Variants in ZNF578 observed in about 807,000 individuals in gnomAD.
The protein encoded by ZNF578 is zinc finger protein 578, also known as Putative chemokine-related protein B42.
In ZNF578, 8 loss-of-function variants were observed where a neutral mutation model predicts 8.3. The observed-to-expected ratio is 0.96, with a 90% CI of 0.56 to 1.74. ZNF578 has a LOEUF of 1.74. Among genes scored for constraint, ZNF578 ranks in the 40% most tolerant of loss-of-function variants. The pLI, the probability that ZNF578 is intolerant of heterozygous loss-of-function variation, is 0.00. For missense variants in ZNF578, 726 were observed against 707.5 expected, an observed-to-expected ratio of 1.03 and a Z score of -0.30; for synonymous variants, 206 against 232.2, an observed-to-expected ratio of 0.89 and a Z score of 1.03.
chr19:52,467,013 A>AT (rs982155819), intron 2 of ZNF578, among the ~76,000 whole-genome samples: 4,304 of 143,366 alleles, frequency 0.03, 137 homozygotes, highest in African/African-American at 0.086. Flanking sequence ...CTCTTGATTA[A>AT]TTTTTTTTTT....
intron 2 of ZNF578, among the ~76,000 whole-genome samples, chr19:52,459,725 G>A (rs200833625): frequency 0.37 from 3,136 of 8,432 alleles, 488 homozygotes; most frequent in Non-Finnish European, 0.53. Context: ...GTGTGTGTGT[G>A]TGTGTGTGTG....
At chr19:52,492,191 G>T (rs866208977) in intron 3 of ZNF578, among the ~76,000 whole-genome samples, 6 of 129,238 alleles carry the variant, frequency 4.6e-5, no homozygotes, top group African/African-American at 1.4e-4. Context: ...AAAAAAAAAA[G>T]GGAGGGAGAG....
At chr19:52,494,714 C>T (rs2059379529) in intron 3 of ZNF578, among the ~76,000 whole-genome samples, 2 of 152,114 alleles carry the variant, frequency 1.3e-5, no homozygotes, top group South Asian at 4.1e-4. Context: ...CCTATTCAGC[C>T]CGCGGGCAGT....
chr19:52,472,477 C>CA (rs1425741304), intron 2 of ZNF578, among the ~76,000 whole-genome samples: 1 of 152,136 alleles, frequency 6.6e-6, no homozygotes. Context: ...TCTTCCATTT[C>CA]AAAAATAAGA....
At chr19:52,481,116 G>T (rs1050873112) in intron 2 of ZNF578, among the ~76,000 whole-genome samples, 8 of 151,984 alleles carry the variant, frequency 5.3e-5, no homozygotes, top group Non-Finnish European at 1.2e-4. Flanking sequence ...CTCAGCCCAG[G>T]GCAGGTGGGT....
At chr19:52,489,107 A>G (rs1424940066) in intron 2 of ZNF578, among the ~76,000 whole-genome samples, 2 of 151,968 alleles carry the variant, frequency 1.3e-5, no homozygotes, top group African/African-American at 4.8e-5. Context: ...TGCCCCCCCT[A>G]AAAAAAGAAA....
At chr19:52,497,803 C>T (rs1809242) in intron 3 of ZNF578, among the ~76,000 whole-genome samples, 1 of 152,052 alleles carries the variant, frequency 6.6e-6, no homozygotes, top group Non-Finnish European at 1.5e-5. Context: ...ATTCCATTTT[C>T]TTTTCTTATG....
chr19:52,467,710 A>G lies in ZNF578; in HGVS notation c.-122+10752A>G, dbSNP rs769475032. 1.1e-3 allele frequency among the ~76,000 whole-genome samples: 165 copies of G among 152,314 alleles called. 1 individual carries two copies. The highest frequency in any genetic ancestry group is 1.8e-3 in the Non-Finnish European group (120 of 68,028). On this transcript the variant is annotated intron_variant, in intron 2 of 5. Coordinates refer to ENST00000421239, the MANE Select transcript of ZNF578 (RefSeq NM_001099694.2). ...TCAAATGGAGACATATACAATGTCA[A>G]TTTATTGGAAGACTCAGCATAGAAA...
chr19:52,478,345 G>A (rs1273483710), intron 2 of ZNF578, among the ~76,000 whole-genome samples: 2 of 152,150 alleles, frequency 1.3e-5, no homozygotes, highest in Non-Finnish European at 2.9e-5. Flanking sequence ...TGGGCTATTT[G>A]TATCGGGCCT....
At chr19:52,468,625 G>A (rs973858757) in intron 2 of ZNF578, among the ~76,000 whole-genome samples, 2 of 152,172 alleles carry the variant, frequency 1.3e-5, no homozygotes, top group Admixed American at 6.5e-5. Context: ...TATTGTTTCT[G>A]GGTGTGTCTG....
At chr19:52,504,195 A>G (rs1392549204) in intron 4 of ZNF578, among the ~76,000 whole-genome samples, 1 of 151,466 alleles carries the variant, frequency 6.6e-6, no homozygotes, top group East Asian at 1.9e-4. Context: ...ACTTCAAGTG[A>G]TTCTCCTGCC....
At chr19:52,469,496 T>G (rs951876072) in intron 2 of ZNF578, among the ~76,000 whole-genome samples, 1 of 152,138 alleles carries the variant, frequency 6.6e-6, no homozygotes, top group Non-Finnish European at 1.5e-5. Context: ...TTTCCTTAGT[T>G]GGTTTAGGGG....
At chr19:52,498,797 G>A (rs566101671) in intron 3 of ZNF578, among the ~76,000 whole-genome samples, 38 of 149,316 alleles carry the variant, frequency 2.5e-4, no homozygotes, top group South Asian at 1.7e-3. Flanking sequence ...GTGATCTTGC[G>A]TCAGCCTCCC....
intron 2 of ZNF578, among the ~76,000 whole-genome samples, chr19:52,471,441 C>T (rs1163778799): frequency 1.3e-5 from 2 of 152,166 alleles, no homozygotes; most frequent in South Asian, 2.1e-4. Context: ...CTCTGTAGAA[C>T]CCTAATACAA....
intron 2 of ZNF578, among the ~76,000 whole-genome samples, chr19:52,469,040 C>T (rs2059283815): frequency 6.6e-6 from 1 of 152,074 alleles, no homozygotes; most frequent in South Asian, 2.1e-4. Context: ...GGGACCTTTG[C>T]CTTGTAATTG....
chr19:52,511,964 G>T lies in ZNF578; in HGVS notation c.1583G>T (p.Arg528Leu), dbSNP rs572149997. Residue 528 changes from arginine (R) to leucine (L), a missense_variant, in exon 6 of 6, where the codon CGT (arginine) becomes CTT (leucine). By Grantham distance (102) the Arg-to-Leu change is moderately radical. Transcript: ENST00000421239. ...TTTAATGTACAGTCACACCTTTCAC[G>T]TCATCATAGACTTCATACTGGAGAG... ...KTFNVQSHLS[R>L]HHRLHTGEKP... The T allele has an allele frequency of 8.1e-6, 13 of 1,613,884 alleles. No individual in the cohort carries two copies. The highest frequency in any genetic ancestry group is 1.1e-5 in the Non-Finnish European group (13 of 1,179,988).
chr19:52,477,813 G>A (rs2059312918), intron 2 of ZNF578, among the ~76,000 whole-genome samples: 1 of 152,192 alleles, frequency 6.6e-6, no homozygotes, highest in African/African-American at 2.4e-5. Context: ...CTAGGGTTAA[G>A]GTTAACATTT....
At chr19:52,470,841 T>A (rs1340044299) in intron 2 of ZNF578, among the ~76,000 whole-genome samples, 1 of 152,202 alleles carries the variant, frequency 6.6e-6, no homozygotes, top group East Asian at 1.9e-4. Flanking sequence ...TAATATGGAT[T>A]GGATCTATGT....
intron 3 of ZNF578, among the ~76,000 whole-genome samples, chr19:52,493,279 C>T (rs1009660682): frequency 6.6e-6 from 1 of 152,098 alleles, no homozygotes; most frequent in Non-Finnish European, 1.5e-5. Flanking sequence ...CTGCAGGTGT[C>T]ACCCTTGTCT....
Sources: gnomAD v4.1 joint callset for allele counts (sites outside exome capture counted in the v4.1 genomes callset) on GRCh38, gnomAD v4.1.1 for gene constraint, MANE v1.5 for transcripts, NCBI Gene and HGNC (gene_info 2026-07-23, HGNC 2026-07-21) for gene names.